ERAP1: variants seen among roughly 807,000 people sequenced by gnomAD.
ERAP1 encodes adipocyte-derived leucine aminopeptidase.
In ERAP1, 86 loss-of-function variants were observed where a neutral mutation model predicts 103.7. The ratio of observed to expected loss-of-function variants is 0.83; its 90% CI spans 0.70 to 0.99. ERAP1 has a LOEUF of 0.99. Ranked by LOEUF, ERAP1 falls within the 50% of genes least tolerant of loss-of-function variation. The pLI, the probability that ERAP1 is intolerant of heterozygous loss-of-function variation, is 0.00. For missense variants in ERAP1, 1,009 were observed against 1,128.4 expected (o/e 0.89, Z 1.52); for synonymous variants, 398 against 402.4 (o/e 0.99, Z 0.13).
the ERAP1 span, among the ~76,000 whole-genome samples, chr5:96,860,591 G>A: frequency 1.3e-5 from 2 of 152,036 alleles, no homozygotes; most frequent in African/African-American, 4.8e-5. Context: ...AAAAAGACAT[G>A]GGCCCCAACC....
intron 11 of ERAP1, among the ~76,000 whole-genome samples, chr5:96,788,038 T>C (rs1776295851): frequency 6.6e-6 from 1 of 152,160 alleles, no homozygotes; most frequent in African/African-American, 2.4e-5. Flanking sequence ...TTTAACGGTA[T>C]CCATCCAGGG....
rs3076640 is a variant in ERAP1, at chr5:96,783,818, T to TACAC, written c.2100+102_2100+105dup. ...CTTTTCCTTAATATGTATATAAAGATACACACACACACACACACACACACA... is the reference window on the plus strand; with the variant it reads ...CTTTTCCTTAATATGTATATAAAGATACACACACACACACACACACACACACACA... On this transcript the variant is annotated intron_variant, in intron 14 of 18. Transcript: ENST00000443439. 1,272 of 803,264 alleles carry TACAC rather than the reference T, an allele frequency of 1.6e-3. 9 individuals are homozygous for TACAC. In the East Asian group the frequency reaches 0.032, roughly 20 times the overall value. 49.8% of individuals were successfully genotyped at this position (803,264 alleles called of 1,614,324 possible). A position where few individuals can be genotyped will look rare whatever the true frequency, so the allele number is the denominator to read the frequency against.
At chr5:96,841,682 A>C in the ERAP1 span, among the ~76,000 whole-genome samples, 1 of 152,010 alleles carries the variant, frequency 6.6e-6, no homozygotes, top group African/African-American at 2.4e-5. Context: ...ACAATAGCCA[A>C]GGAAGTTAGA....
chr5:96,800,675 A>T (rs547516889), intron 3 of ERAP1, among the ~76,000 whole-genome samples, 187 bp downstream of exon 3: 1 of 152,148 alleles, frequency 6.6e-6, no homozygotes, highest in Non-Finnish European at 1.5e-5. Context: ...TTTAGGTGCA[A>T]TTTTTACTTT....
the ERAP1 span, among the ~76,000 whole-genome samples, chr5:96,856,180 G>C: frequency 6.6e-6 from 1 of 150,456 alleles, no homozygotes; most frequent in African/African-American, 2.4e-5. Flanking sequence ...TTAGCTGGAC[G>C]TGGTGGCAGA....
chr5:96,914,148 T>TCTCACACA, the ERAP1 span, among the ~76,000 whole-genome samples: 5 of 148,084 alleles, frequency 3.4e-5, no homozygotes, highest in African/African-American at 1.0e-4. Flanking sequence ...TCTCTCTCTC[T>TCTCACACA]CACACACACA....
intron 16 of ERAP1, among the ~76,000 whole-genome samples, chr5:96,781,443 A>G (rs1775157236): frequency 6.6e-6 from 1 of 152,180 alleles, no homozygotes; most frequent in Non-Finnish European, 1.5e-5. Flanking sequence ...GTTAAGGAAG[A>G]GTAGCTCTAG....
chr5:96,889,422 G>T, the ERAP1 span: 2 of 1,179,866 alleles, frequency 1.7e-6, no homozygotes, highest in Non-Finnish European at 2.5e-6. Context: ...AGTTAGCTCA[G>T]GAAAAAATAA....
the ERAP1 span, among the ~76,000 whole-genome samples, chr5:96,837,133 G>A: frequency 6.6e-6 from 1 of 151,664 alleles, no homozygotes; most frequent in South Asian, 2.1e-4. Flanking sequence ...TAGATATGTA[G>A]GCATCAATTC....
At chr5:96,776,755 A>C in intron 18 of ERAP1, 3 of 663,162 alleles carry the variant, frequency 4.5e-6, no homozygotes. Flanking sequence ...TTTTGTCTGC[A>C]GTTCTTTTGT....
the ERAP1 span, chr5:96,895,276 T>C: frequency 1.2e-6 from 2 of 1,612,662 alleles, no homozygotes; most frequent in Non-Finnish European, 1.7e-6. Context: ...AATGGAATGG[T>C]GGAATGATAT....
At chr5:96,762,299 CT>C in exon 20 of ERAP1, 1 of 1,607,820 alleles carries the variant, frequency 6.2e-7, no homozygotes, top group Non-Finnish European at 8.5e-7. Flanking sequence ...AAACTTGCTG[CT>C]GCCATCTCTG....
chr5:96,903,444 C>T, the ERAP1 span: 6 of 1,613,836 alleles, frequency 3.7e-6, no homozygotes, highest in South Asian at 2.2e-5. Flanking sequence ...GTTACTACAT[C>T]GTTCACTATG....
chr5:96,812,188 AT>A (rs1779195047), upstream of ERAP1, among the ~76,000 whole-genome samples: 1 of 152,256 alleles, frequency 6.6e-6, no homozygotes, highest in African/African-American at 2.4e-5. Flanking sequence ...ATTCAGTTAT[AT>A]AAAAATTATC....
intron 15 of ERAP1, 40 bp from the exon 16 acceptor site, chr5:96,781,894 G>C (rs374123169): frequency 1.1e-5 from 18 of 1,606,276 alleles, no homozygotes; most frequent in Non-Finnish European, 1.5e-5. Context: ...CTGAGGTGCA[G>C]TAAGTATGTT....
chr5:96,886,733 G>A, the ERAP1 span: 40 of 1,541,268 alleles, frequency 2.6e-5, no homozygotes, highest in South Asian at 4.7e-4. Flanking sequence ...ATACCTTGTA[G>A]CCTACATAGT....
chr5:96,803,541 T>C lies in ERAP1; in HGVS notation c.386A>G (p.Glu129Gly), dbSNP rs1189273965. 5 of 1,613,534 alleles carry C rather than the reference T, an allele frequency of 3.1e-6. No homozygotes were observed. The highest frequency in any genetic ancestry group is 4.2e-6 in the Non-Finnish European group (5 of 1,179,496). ...PLQVLEHPRQ[E>G]QIALLAPEPL... ...CTCGGGAGCCAGCAGTGCAATTTGCTCCTGACGGGGGTGTTCCAGGACCTG... is the reference window on the plus strand; with the variant it reads ...CTCGGGAGCCAGCAGTGCAATTTGCCCCTGACGGGGGTGTTCCAGGACCTG... Residue 129 changes from glutamate (E) to glycine (G), a missense_variant, in exon 2 of 19, where the codon GAG becomes GGG. By Grantham distance (98) the Glu-to-Gly change is moderately conservative. Transcript: ENST00000443439.
downstream of ERAP1, chr5:96,771,837 CA>C (rs1226181008): frequency 7.3e-5 from 39 of 536,316 alleles, no homozygotes; most frequent in African/African-American, 6.6e-4. Context: ...ATGCATACTG[CA>C]AGATCTACAG....
At chr5:96,766,530 A>G (rs569034291) in intron 19 of ERAP1, among the ~76,000 whole-genome samples, 11 of 152,332 alleles carry the variant, frequency 7.2e-5, no homozygotes, top group African/African-American at 2.6e-4. Flanking sequence ...ATTAATAGGG[A>G]AAATTAATAA....
Sources: gnomAD v4.1 joint callset for allele counts (sites outside exome capture counted in the v4.1 genomes callset) on GRCh38, gnomAD v4.1.1 for gene constraint, MANE v1.5 for transcripts, NCBI Gene and HGNC (gene_info 2026-07-23, HGNC 2026-07-21) for gene names.